RFTN2: variants seen among roughly 807,000 people sequenced by gnomAD.
The protein encoded by RFTN2 is raftlin family member 2, also known as raftlin-2.
Under a neutral mutation model 52.7 loss-of-function variants are expected in RFTN2, and 34 were observed. The observed-to-expected ratio is 0.64, with a 90% confidence interval of 0.49 to 0.86. The LOEUF (loss-of-function observed/expected upper bound fraction) is 0.86, where lower values mean the gene tolerates loss of function less well. Ranked by LOEUF, RFTN2 falls within the 40% of genes least tolerant of loss-of-function variation. The pLI is 0.00. For missense variants in RFTN2, 536 were observed against 600.1 expected (o/e 0.89, Z 1.12); for synonymous variants, 203 against 217.7 (o/e 0.93, Z 0.59).
chr2:197,656,557 AT>A (rs2088896434), intron 1 of RFTN2, among the ~76,000 whole-genome samples: 1 of 152,186 alleles, frequency 6.6e-6, no homozygotes, highest in Non-Finnish European at 1.5e-5. Flanking sequence ...CCATTTGTTG[AT>A]GGTCCAGCTC....
At chr2:197,667,739 C>T (rs1574756270) in intron 1 of RFTN2, among the ~76,000 whole-genome samples, 1 of 152,094 alleles carries the variant, frequency 6.6e-6, no homozygotes, top group Non-Finnish European at 1.5e-5. Flanking sequence ...TAGAGGCTTA[C>T]AGTATGGTTA....
At chr2:197,628,973 T>A (rs1238072051) in intron 5 of RFTN2, among the ~76,000 whole-genome samples, 2 of 152,200 alleles carry the variant, frequency 1.3e-5, no homozygotes, top group Non-Finnish European at 2.9e-5. Flanking sequence ...AACTTTGCTA[T>A]TGCTATAAAA....
At chr2:197,657,027 A>G (rs903234392) in intron 1 of RFTN2, among the ~76,000 whole-genome samples, 1 of 43,490 alleles carries the variant, frequency 2.3e-5, no homozygotes, top group Admixed American at 1.9e-4. Flanking sequence ...TAAAAAAATA[A>G]AAAAAAAAAT....
intron 3 of RFTN2, among the ~76,000 whole-genome samples, chr2:197,643,281 G>A (rs1440185848): frequency 2.0e-5 from 3 of 151,864 alleles, no homozygotes; most frequent in African/African-American, 7.3e-5. Context: ...TGTAGAGTTG[G>A]GGGTCTTGCT....
rs1035766776 is a variant in RFTN2, at chr2:197,619,333, G to A, written c.929-1412C>T. Among the ~76,000 whole-genome samples, 182 of 152,194 alleles carry A rather than the reference G, an allele frequency of 1.2e-3. 3 individuals carry two copies. The highest frequency in any genetic ancestry group is 4.1e-3 in the African/African-American group (171 of 41,510). ...AAGGTGGGGAAAAGATTGAGAAATCGGATGGTTGCCGTGTCTGTGTAGAAA... is the reference window on the plus strand; with the variant it reads ...AAGGTGGGGAAAAGATTGAGAAATCAGATGGTTGCCGTGTCTGTGTAGAAA... On this transcript the variant is annotated intron_variant, in intron 5 of 8. Transcript: ENST00000295049.
chr2:197,619,208 C>T (rs1410711866), intron 5 of RFTN2, among the ~76,000 whole-genome samples: 1 of 151,956 alleles, frequency 6.6e-6, no homozygotes, highest in Non-Finnish European at 1.5e-5. Context: ...AGTGAGGAGC[C>T]CCTCTGCCCG....
At chr2:197,632,315 T>C (rs2088480778) in intron 4 of RFTN2, among the ~76,000 whole-genome samples, 1 of 152,214 alleles carries the variant, frequency 6.6e-6, no homozygotes, top group East Asian at 1.9e-4. Context: ...AGGGATCAGA[T>C]AGTGATAGTT....
chr2:197,640,870 T>G (rs1241735891), intron 3 of RFTN2, among the ~76,000 whole-genome samples: 1 of 144,046 alleles, frequency 6.9e-6, no homozygotes, highest in East Asian at 1.9e-4. Flanking sequence ...CTCTCTGCTT[T>G]TACTTCGTTT....
chr2:197,618,928 G>C (rs951506538), intron 5 of RFTN2, among the ~76,000 whole-genome samples: 8 of 151,718 alleles, frequency 5.3e-5, no homozygotes, highest in African/African-American at 1.7e-4. Flanking sequence ...GTCTCTGCCC[G>C]GCAGCCACCT....
chr2:197,619,483 C>T (rs1454870908), intron 5 of RFTN2, among the ~76,000 whole-genome samples: 1 of 151,746 alleles, frequency 6.6e-6, no homozygotes, highest in Non-Finnish European at 1.5e-5. Flanking sequence ...TGTATCCACT[C>T]AGGGTTGAAT....
intron 5 of RFTN2, among the ~76,000 whole-genome samples, chr2:197,630,720 C>T (rs1281812377): frequency 6.6e-6 from 1 of 152,150 alleles, no homozygotes. Flanking sequence ...TATTATAGTA[C>T]ATCTTATTTG....
At chr2:197,634,191 A>G (rs866175845) in intron 3 of RFTN2, among the ~76,000 whole-genome samples, 194 bp from the exon 4 acceptor site, 1 of 152,186 alleles carries the variant, frequency 6.6e-6, no homozygotes. Flanking sequence ...CATGATCATC[A>G]TGACCTTCAA....
At chr2:197,572,324 G>A (rs781235396) in intron 8 of RFTN2, 44 bp from the exon 9 acceptor site, 1 of 1,590,568 alleles carries the variant, frequency 6.3e-7, no homozygotes, top group Admixed American at 1.7e-5. Context: ...AAAAAGATGG[G>A]TGTTTCCTGT....
chr2:197,636,219 C>T (rs1424980681), intron 3 of RFTN2, among the ~76,000 whole-genome samples: 9 of 151,084 alleles, frequency 6.0e-5, no homozygotes, highest in South Asian at 4.2e-4. Flanking sequence ...CTTGGCGACG[C>T]GGGCTCTTTT....
rs752111899 is a variant in RFTN2 at position 197,631,004 on chromosome 2, A to G, written c.928+7T>C. On this transcript the variant is annotated splice_region_variant and intron_variant, in intron 5 of 8. Transcript: ENST00000295049. ...CAGATATAAAATATCATTAACATAA[A>G]ACTTACCTTTAGATGTTTCCCAGAA... The G allele has an allele frequency of 1.9e-6, 3 of 1,558,050 alleles. No individual in the cohort carries two copies. The Admixed American group carries it at 5.2e-5, about 27-fold the overall frequency.
intron 7 of RFTN2, among the ~76,000 whole-genome samples, chr2:197,607,842 C>A (rs1193713565): frequency 4.6e-5 from 7 of 152,134 alleles, no homozygotes; most frequent in Admixed American, 4.6e-4. Context: ...GTTGTCCCAA[C>A]TCCTCCTCAC....
chr2:197,617,092 T>G (rs1435685254), intron 6 of RFTN2, among the ~76,000 whole-genome samples: 1 of 152,170 alleles, frequency 6.6e-6, no homozygotes, highest in Non-Finnish European at 1.5e-5. Context: ...AGAGAGAACA[T>G]CTTTTGGATA....
At chr2:197,610,964 G>A (rs10204225) in intron 7 of RFTN2, among the ~76,000 whole-genome samples, 3,566 of 152,236 alleles carry the variant, frequency 0.023, 141 homozygotes, top group African/African-American at 0.081. Flanking sequence ...GGATGAAGCC[G>A]ACTTGATTGT....
intron 3 of RFTN2, among the ~76,000 whole-genome samples, chr2:197,640,444 GT>G (rs1235209065): frequency 6.6e-5 from 10 of 151,126 alleles, no homozygotes; most frequent in Admixed American, 4.6e-4. Flanking sequence ...GTGGTGCGCC[GT>G]TTTTTAAGCC....
Sources: allele counts gnomAD v4.1 joint callset (sites outside exome capture counted in the v4.1 genomes callset), GRCh38; gene constraint gnomAD v4.1.1; transcripts MANE v1.5; gene names NCBI Gene and HGNC (gene_info 2026-07-23, HGNC 2026-07-21).